Variants in DMBT1 observed in about 807,000 individuals in gnomAD.
The protein encoded by DMBT1 is deleted in malignant brain tumors 1.
Under a neutral mutation model 252.9 loss-of-function variants are expected in DMBT1, and 198 were observed. The observed-to-expected ratio is 0.78, with a 90% CI of 0.70 to 0.88. DMBT1 has a LOEUF of 0.88. DMBT1 is among the 40% of genes least tolerant of loss of function. The pLI is 0.00. For missense variants in DMBT1, 2,432 were observed against 2,404.7 expected, an observed-to-expected ratio of 1.01 and a Z score of -0.24; for synonymous variants, 990 against 942.7, an observed-to-expected ratio of 1.05 and a Z score of -0.92.
intron 45 of DMBT1, 98 bp downstream of exon 45, chr10:122,625,401 G>C (rs1050902926): frequency 2.5e-6 from 3 of 1,186,024 alleles, no homozygotes; most frequent in Admixed American, 2.0e-5. Flanking sequence ...TCCCCCTGGG[G>C]GGGTAATTTC....
intron 41 of DMBT1, among the ~76,000 whole-genome samples, chr10:122,619,004 C>T (rs980432858): frequency 2.6e-5 from 4 of 152,194 alleles, no homozygotes; most frequent in Admixed American, 6.5e-5. Flanking sequence ...GGAGTGGCCT[C>T]CTCAGCCTTG....
chr10:122,637,081 G>A, intron 53 of DMBT1, 47 bp from the exon 54 acceptor site: 4 of 1,571,596 alleles, frequency 2.5e-6, no homozygotes, highest in Non-Finnish European at 3.5e-6. Flanking sequence ...TAGGACTTGT[G>A]GAGTCTGGGG....
At chr10:122,639,915 A>C in intron 54 of DMBT1, 125 bp from the exon 55 acceptor site, 1 of 1,161,184 alleles carries the variant, frequency 8.6e-7, no homozygotes, top group South Asian at 1.6e-5. Flanking sequence ...GCCATCTCTG[A>C]GTGGTTCTGG....
intron 2 of DMBT1, among the ~76,000 whole-genome samples, chr10:122,568,531 G>A: frequency 6.6e-6 from 1 of 152,078 alleles, no homozygotes. Flanking sequence ...AGTGAGGAGG[G>A]TAGGGATGCA....
chr10:122,634,340 TTTTCTTTCTTTC>T (rs776949913), intron 52 of DMBT1, among the ~76,000 whole-genome samples: 1,675 of 99,970 alleles, frequency 0.017, 56 homozygotes, highest in East Asian at 0.022. Flanking sequence ...CTAAAAGCAC[TTTTCTTTCTTTC>T]TTTCTTTCTT....
In DMBT1 at chr10:122,637,317, GC is replaced by G. The variant is rs760956968; in HGVS notation, c.6942+7del. 34 of 1,594,904 alleles carry G rather than the reference GC, an allele frequency of 2.1e-5. No homozygotes were observed. Among genetic ancestry groups the G allele is most frequent in the Non-Finnish European group, 2.6e-6 (3 of 1,169,336 alleles). On this transcript the variant is annotated splice_donor_region_variant and intron_variant, in intron 54 of 55. Transcript: ENST00000338354. ...GGCTGCGGCACCTTCAAGCAGGTAA[GC>G]CTGGGGCTTCCCATTCCATTTCCCA...
At chr10:122,579,444 T>C in intron 9 of DMBT1, 134 bp from the exon 10 acceptor site, 1 of 1,542,878 alleles carries the variant, frequency 6.5e-7, no homozygotes, top group Non-Finnish European at 8.8e-7. Context: ...TGAAGCCTAG[T>C]CTGTGGTCAT....
chr10:122,625,407 A>G, intron 45 of DMBT1, 104 bp downstream of exon 45: 1 of 1,102,668 alleles, frequency 9.1e-7, no homozygotes, highest in Non-Finnish European at 1.4e-6. Context: ...TGGGGGGGTA[A>G]TTTCTCTCTG....
intron 2 of DMBT1, among the ~76,000 whole-genome samples, chr10:122,566,998 G>A (rs1158507795): frequency 1.3e-5 from 2 of 152,206 alleles, no homozygotes; most frequent in Non-Finnish European, 2.9e-5. Context: ...TTGGCTAAAT[G>A]TCCCTGCCTC....
At chr10:122,585,978 G>A in intron 15 of DMBT1, 82 bp from the exon 16 acceptor site, 1 of 1,573,652 alleles carries the variant, frequency 6.4e-7, no homozygotes, top group Middle Eastern at 2.3e-4. Flanking sequence ...TAGCCATTAG[G>A]ACGTGCCTTG....
intron 48 of DMBT1, among the ~76,000 whole-genome samples, 191 bp from the exon 49 acceptor site, chr10:122,630,770 G>A (rs1397747739): frequency 6.6e-6 from 1 of 152,190 alleles, no homozygotes; most frequent in Non-Finnish European, 1.5e-5. Context: ...GGGGATCTGA[G>A]CTTGGCGATG....
At chr10:122,597,790 C>CA (rs1246059035) in intron 24 of DMBT1, among the ~76,000 whole-genome samples, 184 bp from the exon 25 acceptor site, 6 of 152,274 alleles carry the variant, frequency 3.9e-5, no homozygotes, top group Admixed American at 1.3e-4. Flanking sequence ...AACTGGTCTC[C>CA]AGCAAGGCCT....
At chr10:122,630,935 G>T in intron 48 of DMBT1, 26 bp from the exon 49 acceptor site, 2 of 1,571,356 alleles carry the variant, frequency 1.3e-6, no homozygotes, top group South Asian at 2.4e-5. Flanking sequence ...ACATGGCCAT[G>T]ATCTCTCAGT....
At chr10:122,626,091 C>A in intron 46 of DMBT1, 126 bp downstream of exon 46, 2 of 762,436 alleles carry the variant, frequency 2.6e-6, no homozygotes, top group Non-Finnish European at 4.7e-6. Flanking sequence ...CTGGCCTGTC[C>A]CACTATACCC....
chr10:122,634,025 T>C (rs2098188964), intron 52 of DMBT1, among the ~76,000 whole-genome samples: 1 of 152,104 alleles, frequency 6.6e-6, no homozygotes, highest in African/African-American at 2.4e-5. Flanking sequence ...TAGTCCCAGC[T>C]ACTAAGGAGG....
rs1395617468 is a variant in DMBT1, at chr10:122,633,275, C to T, written c.6482C>T (p.Ala2161Val). 6.2e-7 allele frequency: 1 copy of T among 1,613,988 alleles called. No homozygotes were observed. The highest frequency in any genetic ancestry group is 1.3e-5 in the African/African-American group (1 of 75,032). Reference sequence around the variant, plus strand: ...TATCCCGGGAACTATCCAAACAATGCCAAGTGTGTGTGGGACATTGAGGTG... The same window carrying T: ...TATCCCGGGAACTATCCAAACAATGTCAAGTGTGTGTGGGACATTGAGGTG... ...PFYPGNYPNN[A>V]KCVWDIEVQN... The change falls in exon 52 of 56, where the codon GCC becomes GTC. Residue 2161 changes from alanine to valine, a missense_variant. Physicochemically the swap from Ala to Val is moderately conservative, Grantham distance 64. This residue lies in a region of DMBT1 where 1,162 missense variants were observed against 1,169.0 expected (regional missense o/e 0.99). Transcript: ENST00000338354.
At chr10:122,635,455 C>G (rs935045190) in intron 52 of DMBT1, among the ~76,000 whole-genome samples, 2 of 152,162 alleles carry the variant, frequency 1.3e-5, no homozygotes, top group African/African-American at 4.8e-5. Context: ...TGTGTGATTG[C>G]AAAGGGCAGG....
chr10:122,634,400 CTTTT>C (rs2098198183), intron 52 of DMBT1, among the ~76,000 whole-genome samples: 1 of 84,414 alleles, frequency 1.2e-5, no homozygotes, highest in Non-Finnish European at 2.4e-5. Context: ...TTCTTTCTTT[CTTTT>C]CTTTCTTTCT....
At chr10:122,599,925 G>A (rs2097924940) in intron 26 of DMBT1, 139 bp from the exon 27 acceptor site, 5 of 1,283,892 alleles carry the variant, frequency 3.9e-6, no homozygotes, top group African/African-American at 1.5e-5. Flanking sequence ...GTGGGGATGT[G>A]CATGGCAATG....
Sources: gnomAD v4.1 joint callset for allele counts (sites outside exome capture counted in the v4.1 genomes callset) on GRCh38, gnomAD v4.1.1 for gene constraint, gnomAD v4.1.1 regional missense constraint, MANE v1.5 for transcripts, NCBI Gene and HGNC (gene_info 2026-07-23, HGNC 2026-07-21) for gene names.